The following GASK1A variants were observed in gnomAD, a reference collection of about 807,000 sequenced individuals.
GASK1A encodes Golgi-associated kinase 1A.
A neutral mutation model predicts 41.2 loss-of-function variants in GASK1A; 40 were observed. That is an observed-to-expected ratio of 0.97 (90% CI 0.75 to 1.27). The LOEUF (loss-of-function observed/expected upper bound fraction) is 1.27, where lower values mean the gene tolerates loss of function less well. Among genes scored for constraint, GASK1A ranks in the 50% most tolerant of loss-of-function variants. GASK1A has a pLI of 0.00. For missense variants in GASK1A, 678 were observed against 745.1 expected (o/e 0.91, Z 1.05); for synonymous variants, 316 against 307.1 (o/e 1.03, Z -0.30).
In GASK1A at chr3:43,032,265, A is replaced by G. The variant is rs1051450756; in HGVS notation, c.4-2A>G. The G allele has an allele frequency of 2.0e-6, 3 of 1,513,788 alleles. No individual in the cohort carries two copies. The highest frequency in any genetic ancestry group is 3.4e-4 in the Middle Eastern group (2 of 5,836). The allele number at this position is 1,513,788 out of a possible 1,614,324, so 93.8% of individuals were successfully genotyped here. Reference sequence around the variant, plus strand: ...AGCTTTTCTTTCTACCCTGTCTCTCAGGCGTCTTGGCTCCGGAGAAAGCTG... The same window carrying G: ...AGCTTTTCTTTCTACCCTGTCTCTCGGGCGTCTTGGCTCCGGAGAAAGCTG... On this transcript the variant is annotated splice_acceptor_variant, in intron 1 of 4. Coordinates refer to ENST00000430121, the MANE Select transcript of GASK1A (RefSeq NM_001129908.3). LOFTEE classifies it high-confidence loss of function.
intron 1 of GASK1A, among the ~76,000 whole-genome samples, chr3:43,022,319 A>G (rs1559402528): frequency 6.6e-6 from 1 of 152,156 alleles, no homozygotes; most frequent in Non-Finnish European, 1.5e-5. Context: ...CTCTCTGCAC[A>G]ACTGCACAAC....
intron 1 of GASK1A, among the ~76,000 whole-genome samples, chr3:43,020,106 C>T (rs1429866197): frequency 1.3e-5 from 2 of 152,026 alleles, no homozygotes; most frequent in Non-Finnish European, 2.9e-5. Flanking sequence ...TAGAGTGGTG[C>T]AGGGCATAGA....
intron 1 of GASK1A, among the ~76,000 whole-genome samples, chr3:43,030,648 C>CA (rs968558468): frequency 2.6e-5 from 4 of 152,214 alleles, no homozygotes; most frequent in African/African-American, 9.7e-5. Flanking sequence ...TGGCAATGGG[C>CA]CCCTGCTCTC....
intron 1 of GASK1A, among the ~76,000 whole-genome samples, chr3:43,024,443 T>A (rs9815609): frequency 0.17 from 26,193 of 152,156 alleles, 2,410 homozygotes; most frequent in Non-Finnish European, 0.2. Flanking sequence ...TGTGAATATA[T>A]CAAAAACTTA....
At chr3:43,042,185 C>T (rs2089641161) in intron 2 of GASK1A, among the ~76,000 whole-genome samples, 1 of 151,632 alleles carries the variant, frequency 6.6e-6, no homozygotes, top group African/African-American at 2.4e-5. Context: ...TGAGAGTGTT[C>T]AGGTCAGGCG....
At chr3:42,983,971 C>G (rs1226752506) in intron 1 of GASK1A, among the ~76,000 whole-genome samples, 2 of 152,172 alleles carry the variant, frequency 1.3e-5, no homozygotes, top group African/African-American at 4.8e-5. Context: ...AGCTTGGCCT[C>G]AAAGATGCCG....
intron 1 of GASK1A, among the ~76,000 whole-genome samples, chr3:43,021,838 G>A (rs1319418582): frequency 4.6e-5 from 7 of 152,178 alleles, no homozygotes; most frequent in South Asian, 2.1e-4. Context: ...CTCCTTCTCC[G>A]CAACTGTGGG....
intron 1 of GASK1A, among the ~76,000 whole-genome samples, chr3:42,995,497 A>G (rs1559397398): frequency 1.3e-5 from 2 of 152,244 alleles, no homozygotes; most frequent in South Asian, 4.1e-4. Context: ...TTAAAACACT[A>G]CAAGCCAAAC....
intron 2 of GASK1A, among the ~76,000 whole-genome samples, chr3:43,039,208 T>TTG (rs1435571406): frequency 6.7e-6 from 1 of 148,352 alleles, no homozygotes; most frequent in Non-Finnish European, 1.5e-5. Flanking sequence ...TTTTTTGGTT[T>TTG]TTTTTTTTTT....
chr3:43,043,954 A>G (rs1335276980), intron 2 of GASK1A, among the ~76,000 whole-genome samples: 1 of 152,222 alleles, frequency 6.6e-6, no homozygotes, highest in Non-Finnish European at 1.5e-5. Context: ...GAATAATCAC[A>G]CTGGCAAGTG....
intron 2 of GASK1A, among the ~76,000 whole-genome samples, chr3:43,051,560 A>T (rs564554104): frequency 2.4e-4 from 37 of 152,314 alleles, no homozygotes; most frequent in Admixed American, 9.8e-4. Context: ...ATTTCCAGGA[A>T]CATATTGGAG....
rs1317464068 is a variant in GASK1A, at chr3:43,032,362, TC to T, written c.104del (p.Pro35HisfsTer18). On this transcript the variant is annotated frameshift_variant, in exon 2 of 5. Coordinates refer to ENST00000430121, the MANE Select transcript of GASK1A (RefSeq NM_001129908.3). LOFTEE classifies it high-confidence loss of function. The part of the protein sequence containing the change: ...ILSAMAVTRF[P>X]PQRPSAGPDP... ...TATCTGCGATGGCTGTCACCCGCTT[TC>T]CCCCACAGCGTCCATCCGCCGGCCC... 1 of 1,551,406 alleles carries T rather than the reference TC, an allele frequency of 6.4e-7. No individual in the cohort carries two copies. Among genetic ancestry groups the T allele is most frequent in the Non-Finnish European group, 8.7e-7 (1 of 1,146,844 alleles).
At chr3:42,979,745 C>A in intron 1 of GASK1A, 100 bp downstream of exon 1, 1 of 1,172,476 alleles carries the variant, frequency 8.5e-7, no homozygotes, top group Non-Finnish European at 1.1e-6. Context: ...GCGCAGCCTG[C>A]GCGGCCTCCC....
Position 43,056,588 on chromosome 3 carries a change from A to G in GASK1A, c.*202A>G, listed in dbSNP as rs1302568548. 5 of 530,152 alleles carry G rather than the reference A, an allele frequency of 9.4e-6. No homozygotes were observed. Among genetic ancestry groups the G allele is most frequent in the South Asian group, 3.1e-5 (1 of 31,854 alleles). The allele number at this position is 530,152 out of a possible 1,614,324, so 32.8% of individuals were successfully genotyped here. On this transcript the variant is annotated 3_prime_UTR_variant, in exon 5 of 5. Transcript: ENST00000430121. ...CCTTTCTGCCTTCTCGGCTCTGGCT[A>G]TTTATTCCCTTGCACCAACAAATAC... is the stretch of plus-strand genomic sequence containing the variant.
rs1442693127 is a variant in GASK1A at position 42,991,521 on chromosome 3, G to A, written c.3+11876G>A. Among the ~76,000 whole-genome samples, 6 of 152,182 alleles carry A rather than the reference G, an allele frequency of 3.9e-5. No homozygotes were observed. The East Asian group carries it at 1.2e-3, about 29-fold the overall frequency. The stretch of plus-strand genomic sequence containing the variant: ...CACACTCACACACCCTCACACACTT[G>A]CATAGCCATAGAGCAGCTGCAGAGG... On this transcript the variant is annotated intron_variant, in intron 1 of 4. Coordinates refer to ENST00000430121, the MANE Select transcript of GASK1A (RefSeq NM_001129908.3).
intron 1 of GASK1A, among the ~76,000 whole-genome samples, chr3:43,007,495 C>A (rs990518567): frequency 6.6e-6 from 1 of 152,098 alleles, no homozygotes; most frequent in African/African-American, 2.4e-5. Flanking sequence ...TTCAGCCAAT[C>A]CTTTTGTTTT....
chr3:43,027,729 G>T (rs1037377737), intron 1 of GASK1A, among the ~76,000 whole-genome samples: 1 of 151,998 alleles, frequency 6.6e-6, no homozygotes, highest in Non-Finnish European at 1.5e-5. Flanking sequence ...TACACCAAAA[G>T]ACAAAGTAAA....
intron 1 of GASK1A, among the ~76,000 whole-genome samples, chr3:42,987,755 T>G (rs1427486844): frequency 1.3e-5 from 2 of 151,942 alleles, no homozygotes; most frequent in Non-Finnish European, 1.5e-5. Flanking sequence ...TCCCAGCACT[T>G]TGGAAGGCTG....
chr3:43,001,631 C>T (rs1056210315), intron 1 of GASK1A, among the ~76,000 whole-genome samples: 2 of 152,144 alleles, frequency 1.3e-5, no homozygotes, highest in Middle Eastern at 3.2e-3. Flanking sequence ...AGATGAGGGG[C>T]TATGGCTACT....
Sources: gnomAD v4.1 joint callset for allele counts (sites outside exome capture counted in the v4.1 genomes callset) on GRCh38, gnomAD v4.1.1 for gene constraint, MANE v1.5 for transcripts, NCBI Gene and HGNC (gene_info 2026-07-23, HGNC 2026-07-21) for gene names.